Variants in CFAP54 observed in about 807,000 individuals in gnomAD.
CFAP54 encodes cilia- and flagella-associated protein 54.
Under a neutral mutation model 370.4 loss-of-function variants are expected in CFAP54, and 290 were observed. The ratio of observed to expected loss-of-function variants is 0.78; its 90% CI spans 0.71 to 0.86. The LOEUF is 0.86. Among genes scored for constraint, CFAP54 ranks in the 40% least tolerant of loss-of-function variants. CFAP54 has a pLI of 0.00. For synonymous variants in CFAP54, 1,206 were observed against 1,236.5 expected (o/e 0.98, Z 0.52); for missense variants, 3,399 against 3,528.7 (o/e 0.96, Z 0.93).
chr12:96,620,413 C>G (rs1247595919), intron 26 of CFAP54, among the ~76,000 whole-genome samples: 1 of 152,142 alleles, frequency 6.6e-6, no homozygotes, highest in Non-Finnish European at 1.5e-5. Context: ...GGGGAGTTCC[C>G]CTATACAGGC....
intron 4 of CFAP54, among the ~76,000 whole-genome samples, chr12:96,512,617 A>T (rs1284669058): frequency 6.6e-6 from 1 of 152,110 alleles, no homozygotes; most frequent in East Asian, 1.9e-4. Context: ...CTGGGATTAC[A>T]GGCGTAGCCA....
At chr12:96,856,788 A>G (rs186698126) in intron 66 of CFAP54, among the ~76,000 whole-genome samples, 2 of 150,764 alleles carry the variant, frequency 1.3e-5, no homozygotes, top group East Asian at 1.9e-4. Context: ...AACTGTCCCA[A>G]CCTCTGCCTG....
chr12:96,825,936 A>G (rs1043383111), intron 65 of CFAP54, among the ~76,000 whole-genome samples: 1 of 141,254 alleles, frequency 7.1e-6, no homozygotes, highest in East Asian at 2.0e-4. Flanking sequence ...AATATGTAAC[A>G]TAGTACATTA....
chr12:96,558,926 C>T (rs985758661), intron 17 of CFAP54, among the ~76,000 whole-genome samples: 3 of 152,004 alleles, frequency 2.0e-5, no homozygotes, highest in Non-Finnish European at 2.9e-5. Context: ...ATACAATCAG[C>T]GAAGTAAGGC....
chr12:96,657,945 G>T lies in CFAP54; in HGVS notation c.5164G>T (p.Gly1722Cys), dbSNP rs1045149860. The change falls in exon 37 of 68, where the codon GGT becomes TGT. Residue 1722 changes from glycine (G) to cysteine (C), a missense_variant. Gly to Cys is a radical substitution (Grantham distance 159, BLOSUM62 -3). Coordinates refer to ENST00000524981, the MANE Select transcript of CFAP54 (RefSeq NM_001306084.2). ...SCYGNIKNDN[G>C]GSSLTFEHPL... is the part of the protein sequence containing the mutation. ...TTATGGGAATATTAAAAATGACAAC[G>T]GTGGTTCTAGTCTTACCTTTGAGCA... is the stretch of plus-strand genomic sequence containing the variant. 1 of 1,613,502 alleles carries T rather than the reference G, an allele frequency of 6.2e-7. No individual in the cohort carries two copies. Among genetic ancestry groups the T allele is most frequent in the African/African-American group, 1.3e-5 (1 of 74,840 alleles).
At chr12:96,812,267 A>G (rs779970489) in intron 64 of CFAP54, among the ~76,000 whole-genome samples, 3 of 152,138 alleles carry the variant, frequency 2.0e-5, no homozygotes, top group East Asian at 3.9e-4. Flanking sequence ...GTGGCTTTGT[A>G]TGGAGTTTCA....
chr12:96,849,986 A>G (rs1256743135), intron 66 of CFAP54, among the ~76,000 whole-genome samples: 2 of 152,180 alleles, frequency 1.3e-5, no homozygotes, highest in African/African-American at 2.4e-5. Context: ...GGACTCAAAG[A>G]TATTTACAAC....
intron 32 of CFAP54, among the ~76,000 whole-genome samples, chr12:96,643,281 A>G (rs1956754092): frequency 6.6e-6 from 1 of 152,182 alleles, no homozygotes; most frequent in African/African-American, 2.4e-5. Context: ...TGATAATGTA[A>G]ACACTACACA....
intron 66 of CFAP54, among the ~76,000 whole-genome samples, chr12:96,852,663 ATGGAT>A (rs907611188): frequency 5.9e-5 from 9 of 152,130 alleles, no homozygotes; most frequent in African/African-American, 2.2e-4. Flanking sequence ...GAAAAGACTG[ATGGAT>A]TGGACTATAT....
chr12:96,536,612 GTCTTTT>G lies in CFAP54; in HGVS notation c.1791+1026_1791+1031del, dbSNP rs1284382928. Among the ~76,000 whole-genome samples the G allele has an allele frequency of 2.6e-3, 356 of 138,972 alleles. 1 individual carries two copies. Among genetic ancestry groups the G allele is most frequent in the African/African-American group, 9.0e-3 (333 of 36,906 alleles). 91.2% of individuals were successfully genotyped at this position (138,972 alleles called of 152,430 possible). On this transcript the variant is annotated intron_variant, in intron 12 of 67. Coordinates refer to ENST00000524981, the MANE Select transcript of CFAP54 (RefSeq NM_001306084.2). ...AACTTTCCTTTATCTGTTTTTCTTT[GTCTTTT>G]TCTTTTTCTTTTTTTTTTTTTTTTT... is the stretch of plus-strand genomic sequence containing the variant.
At chr12:96,840,472 T>G (rs1026634325) in intron 66 of CFAP54, among the ~76,000 whole-genome samples, 5 of 152,216 alleles carry the variant, frequency 3.3e-5, no homozygotes, top group African/African-American at 1.2e-4. Context: ...ATTTCCCAAA[T>G]GGTAGTAATG....
At chr12:96,664,264 T>G (rs765111264) in intron 39 of CFAP54, among the ~76,000 whole-genome samples, 3 of 152,072 alleles carry the variant, frequency 2.0e-5, no homozygotes, top group Non-Finnish European at 2.9e-5. Flanking sequence ...CATTAGTGAT[T>G]TTTCCTGATC....
At chr12:96,535,241 G>T (rs1307916771) in intron 11 of CFAP54, among the ~76,000 whole-genome samples, 1 of 151,830 alleles carries the variant, frequency 6.6e-6, no homozygotes, top group African/African-American at 2.4e-5. Flanking sequence ...GTAGAGACAG[G>T]GTTTCACCAT....
At chr12:96,588,771 C>T (rs994428441) in intron 22 of CFAP54, among the ~76,000 whole-genome samples, 5 of 152,056 alleles carry the variant, frequency 3.3e-5, no homozygotes, top group African/African-American at 1.2e-4. Flanking sequence ...TTTTTAGGAA[C>T]GTCTTTAAAG....
At position 96,610,743 on chromosome 12, in the gene CFAP54, C is replaced by G. The variant is rs373784378; in HGVS notation, c.3640-10847C>G. ...AAATGGCACACCAGGAGATTATATC[C>G]CGCGCATGGCTCAGAGGGTCCCACG... On this transcript the variant is annotated intron_variant, in intron 26 of 67. Transcript: ENST00000524981. Among the ~76,000 whole-genome samples the G allele has an allele frequency of 7.9e-5, 12 of 152,320 alleles. No homozygotes were observed. The South Asian group carries it at 1.2e-3, about 16-fold the overall frequency.
At chr12:96,855,661 G>T (rs548543126) in intron 66 of CFAP54, among the ~76,000 whole-genome samples, 10 of 152,348 alleles carry the variant, frequency 6.6e-5, no homozygotes, top group Admixed American at 5.9e-4. Flanking sequence ...CAAGAGGTGG[G>T]CCCCCACAGC....
intron 19 of CFAP54, chr12:96,564,980 C>G: frequency 3.3e-6 from 1 of 300,620 alleles, no homozygotes; most frequent in Non-Finnish European, 6.0e-6. Context: ...GAACTTCATG[C>G]AATCTACATG....
At chr12:96,516,659 A>C (rs1955238675) in intron 5 of CFAP54, among the ~76,000 whole-genome samples, 1 of 152,212 alleles carries the variant, frequency 6.6e-6, no homozygotes, top group South Asian at 2.1e-4. Context: ...TTAAAACTGT[A>C]GTATAGTACT....
At chr12:96,715,135 G>A (rs973408960) in intron 48 of CFAP54, among the ~76,000 whole-genome samples, 1 of 152,204 alleles carries the variant, frequency 6.6e-6, no homozygotes, top group African/African-American at 2.4e-5. Flanking sequence ...GAAAGTGTTG[G>A]AGATTTAAGG....
Sources: gnomAD v4.1 joint callset for allele counts (sites outside exome capture counted in the v4.1 genomes callset) on GRCh38, gnomAD v4.1.1 for gene constraint, MANE v1.5 for transcripts, NCBI Gene and HGNC (gene_info 2026-07-23, HGNC 2026-07-21) for gene names.